Variants in ZNF638 observed in about 807,000 individuals in gnomAD.
ZNF638 encodes zinc finger protein 638, also known as CTCL tumor antigen se33-1.
A neutral mutation model predicts 195.6 loss-of-function variants in ZNF638; 46 were observed. That is an observed-to-expected ratio of 0.24 (90% CI 0.19 to 0.30). ZNF638 has a LOEUF of 0.30. Among genes scored for constraint, ZNF638 ranks in the 10% least tolerant of loss-of-function variants. The pLI, the probability that ZNF638 is intolerant of heterozygous loss-of-function variation, is 1.00. For synonymous variants in ZNF638, 845 were observed against 772.0 expected, an observed-to-expected ratio of 1.09 and a Z score of -1.57; for missense variants, 2,440 against 2,325.3, an observed-to-expected ratio of 1.05 and a Z score of -1.01.
At chr2:71,355,033 A>G (rs988409977) in intron 2 of ZNF638, among the ~76,000 whole-genome samples, 11 of 152,134 alleles carry the variant, frequency 7.2e-5, no homozygotes, top group African/African-American at 1.9e-4. Context: ...CAGTGGCGCA[A>G]TCTCGGCTCA....
Position 71,380,504 on chromosome 2 carries a change from TTTAA to T in ZNF638, c.2325-8_2325-5del, listed in dbSNP as rs1160857203. ...AAGTTGCTGCTAAATTTTTTCTCCT[TTTAA>T]ATAGAAGAGATGCAGATGCTTCAAA... On this transcript the variant is annotated splice_region_variant and splice_polypyrimidine_tract_variant and intron_variant, in intron 9 of 27. Transcript: ENST00000264447. 1 of 1,593,696 alleles carries T rather than the reference TTTAA, an allele frequency of 6.3e-7. No homozygotes were observed.
intron 3 of ZNF638, among the ~76,000 whole-genome samples, chr2:71,362,488 G>A (rs11691076): frequency 0.16 from 23,850 of 151,864 alleles, 2,383 homozygotes; most frequent in East Asian, 0.57. Context: ...AAGGCTCTTC[G>A]TAATTTGTCT....
chr2:71,427,118 C>G lies in ZNF638; in HGVS notation c.5249C>G (p.Thr1750Ser). The G allele has an allele frequency of 1.4e-5, 23 of 1,614,058 alleles. No homozygotes were observed. The highest frequency in any genetic ancestry group is 1.9e-5 in the Non-Finnish European group (23 of 1,180,012). Residue 1750 changes from threonine (T) to serine (S), a missense_variant, in exon 24 of 28, where the codon ACT (threonine) becomes AGT (serine). By Grantham distance (58) the Thr-to-Ser change is moderately conservative. This residue lies in a region of ZNF638 where 1,883 missense variants were observed against 1,739.1 expected (regional missense o/e 1.08). Coordinates refer to ENST00000264447, the MANE Select transcript of ZNF638 (RefSeq NM_014497.5). ...GACAGCAGTGATTTGCATTTAGTGA[C>G]TTTGGATGAAGTAACTGAAGAGGAT... ...QDDSSDLHLV[T>S]LDEVTEEDED...
In ZNF638 at chr2:71,380,190, T is replaced by C. The variant is rs2079511358; in HGVS notation, c.2266-32T>C. ...ATTTTCTAAATTGCTTTATACTAAA[T>C]TTCTTTTGTTCAAAATATTTTTCCT... On this transcript the variant is annotated intron_variant, in intron 8 of 27. Transcript: ENST00000264447. 15 of 1,393,092 alleles carry C rather than the reference T, an allele frequency of 1.1e-5. No individual in the cohort carries two copies. In the East Asian group the frequency reaches 3.2e-4, roughly 30 times the overall value. 86.3% of individuals were successfully genotyped at this position (1,393,092 alleles called of 1,614,324 possible). A position where few individuals can be genotyped will look rare whatever the true frequency, so the allele number is the denominator to read the frequency against.
In ZNF638 at chr2:71,352,437, C is replaced by T. The variant is rs183494524; in HGVS notation, c.1317+2166C>T. 2.7e-5 allele frequency among the ~76,000 whole-genome samples: 4 copies of T among 150,918 alleles called. No individual in the cohort carries two copies. The East Asian group carries it at 7.8e-4, about 29-fold the overall frequency. On this transcript the variant is annotated intron_variant, in intron 2 of 27. Coordinates refer to ENST00000264447, the MANE Select transcript of ZNF638 (RefSeq NM_014497.5). ...AGGTTGCAGTGAGCCGAGATCGCGC[C>T]GCTGCACTCCAGCCTGGGTGACAGA... is the stretch of plus-strand genomic sequence containing the variant.
At chr2:71,421,603 GTGT>G (rs921666174) in intron 21 of ZNF638, among the ~76,000 whole-genome samples, 23 of 152,108 alleles carry the variant, frequency 1.5e-4, no homozygotes, top group African/African-American at 5.6e-4. Context: ...ACACCATCTT[GTGT>G]TGTTAACTGA....
rs530633115 is a variant in ZNF638 at position 71,426,975 on chromosome 2, T to C, written c.5106T>C (p.Phe1702=). 3 of 1,612,506 alleles carry C rather than the reference T, an allele frequency of 1.9e-6. No homozygotes were observed. The highest frequency in any genetic ancestry group is 2.7e-5 in the African/African-American group (2 of 74,936). Residue 1702 remains phenylalanine, a synonymous_variant, in exon 24 of 28, where the codon TTT becomes TTC. Coordinates refer to ENST00000264447, the MANE Select transcript of ZNF638 (RefSeq NM_014497.5). ...LPLNESADIT[F]ATLNTKGNEG... Reference sequence around the variant, plus strand: ...TGAATGAGTCAGCAGACATAACTTTTGCCACTTTAAATACTAAAGGAAATG... The same window carrying C: ...TGAATGAGTCAGCAGACATAACTTTCGCCACTTTAAATACTAAAGGAAATG...
At chr2:71,365,025 C>T (rs2079171992) in intron 5 of ZNF638, among the ~76,000 whole-genome samples, 1 of 152,152 alleles carries the variant, frequency 6.6e-6, no homozygotes, top group Admixed American at 6.5e-5. Context: ...TTGGGAATTA[C>T]AGTTGGTTTT....
intron 3 of ZNF638, among the ~76,000 whole-genome samples, chr2:71,358,360 A>G (rs1280418502): frequency 6.6e-6 from 1 of 152,162 alleles, no homozygotes; most frequent in Non-Finnish European, 1.5e-5. Flanking sequence ...CCATTCAAGA[A>G]TCCATTTTAA....
rs148335257 is a variant in ZNF638 at position 71,346,132 on chromosome 2, T to C, written c.-202-2621T>C. On this transcript the variant is annotated intron_variant, in intron 1 of 27. Transcript: ENST00000264447. The stretch of plus-strand genomic sequence containing the variant: ...AGATCACTCTGATTGAAATTTGTTC[T>C]TTTGCTGTTTTATTTTGGGGGAGAA... Among the ~76,000 whole-genome samples the C allele has an allele frequency of 3.0e-3, 464 of 152,348 alleles. 2 individuals carry two copies. Among genetic ancestry groups the C allele is most frequent in the African/African-American group, 0.011 (442 of 41,570 alleles).
chr2:71,411,154 T>G (rs1257045454), intron 20 of ZNF638, among the ~76,000 whole-genome samples: 1 of 151,254 alleles, frequency 6.6e-6, no homozygotes, highest in East Asian at 1.9e-4. Flanking sequence ...CGCCCTACCA[T>G]GCCCACTAAT....
chr2:71,348,723 A>G, intron 1 of ZNF638, 30 bp from the exon 2 acceptor site: 1 of 1,486,260 alleles, frequency 6.7e-7, no homozygotes, highest in Non-Finnish European at 8.9e-7. Flanking sequence ...TTGAGTTAAA[A>G]TGATCTAATA....
At chr2:71,338,989 G>A (rs530628282) in intron 1 of ZNF638, among the ~76,000 whole-genome samples, 1 of 152,116 alleles carries the variant, frequency 6.6e-6, no homozygotes, top group Admixed American at 6.5e-5. Context: ...ATCGTTTTCT[G>A]TATTATTCTT....
At chr2:71,369,464 C>T (rs2079268835) in intron 7 of ZNF638, among the ~76,000 whole-genome samples, 1 of 152,094 alleles carries the variant, frequency 6.6e-6, no homozygotes, top group Non-Finnish European at 1.5e-5. Flanking sequence ...CATAGCAAGA[C>T]CTCTGTCTTA....
In ZNF638 at chr2:71,422,895, TGAA is replaced by T; in HGVS notation, c.3388_3390del (p.Glu1130del). 2 of 1,614,040 alleles carry T rather than the reference TGAA, an allele frequency of 1.2e-6. No homozygotes were observed. Among genetic ancestry groups the T allele is most frequent in the South Asian group, 2.2e-5 (2 of 91,082 alleles). On this transcript the variant is annotated inframe_deletion, in exon 22 of 28. Coordinates refer to ENST00000264447, the MANE Select transcript of ZNF638 (RefSeq NM_014497.5). ...GTCCCTCTGTTAAACCTAATGAGCTTGAAGAAGAAAGTACTCCCAGCATTCAAA... is the reference window on the plus strand; with the variant it reads ...GTCCCTCTGTTAAACCTAATGAGCTTGAAGAAAGTACTCCCAGCATTCAAA...
intron 26 of ZNF638, 106 bp downstream of exon 26, chr2:71,431,534 T>A (rs1573182085): frequency 1.1e-6 from 1 of 871,286 alleles, no homozygotes; most frequent in East Asian, 3.0e-5. Flanking sequence ...CCGAGGCGGG[T>A]GGATCACTAG....
chr2:71,394,525 C>A (rs1186874865), intron 10 of ZNF638, among the ~76,000 whole-genome samples: 1 of 152,150 alleles, frequency 6.6e-6, no homozygotes, highest in Non-Finnish European at 1.5e-5. Context: ...GCTTGCTTCA[C>A]CTCATGTATC....
At position 71,424,128 on chromosome 2, in the gene ZNF638, C is replaced by T. The variant is rs2080486731; in HGVS notation, c.4524+90C>T. 2.7e-6 allele frequency: 4 copies of T among 1,484,768 alleles called. No homozygotes were observed. In the African/African-American group the frequency reaches 4.2e-5, roughly 16 times the overall value. 92.0% of individuals were successfully genotyped at this position (1,484,768 alleles called of 1,614,324 possible). ...TGTAGTAGGAGATGTAATTTTGTTT[C>T]ATACTTTCATCTCCTCACTCTACCC... On this transcript the variant is annotated intron_variant, in intron 22 of 27. Transcript: ENST00000264447.
intron 10 of ZNF638, chr2:71,393,351 T>A: frequency 1.4e-6 from 1 of 711,108 alleles, no homozygotes; most frequent in East Asian, 2.7e-5. Flanking sequence ...AATGAATTGC[T>A]AACGTGGGGA....
Sources: gnomAD v4.1 joint callset for allele counts (sites outside exome capture counted in the v4.1 genomes callset) on GRCh38, gnomAD v4.1.1 for gene constraint, gnomAD v4.1.1 regional missense constraint, MANE v1.5 for transcripts, NCBI Gene and HGNC (gene_info 2026-07-23, HGNC 2026-07-21) for gene names.